The following FOXN4 variants were observed in gnomAD, a reference collection of about 807,000 sequenced individuals.
The protein encoded by FOXN4 is forkhead box protein N4.
Under a neutral mutation model 45.0 loss-of-function variants are expected in FOXN4, and 12 were observed. That is an observed-to-expected ratio of 0.27 (90% CI 0.17 to 0.43). FOXN4 has a LOEUF of 0.43. Among genes scored for constraint, FOXN4 ranks in the 20% least tolerant of loss-of-function variants. The probability of loss-of-function intolerance (pLI) is 1.00; values close to 1 mark genes in which losing one functional copy is unlikely to be tolerated. For synonymous variants in FOXN4, 297 were observed against 295.0 expected, an observed-to-expected ratio of 1.01 and a Z score of -0.07; for missense variants, 560 against 694.9, an observed-to-expected ratio of 0.81 and a Z score of 2.18.
intron 2 of FOXN4, among the ~76,000 whole-genome samples, chr12:109,299,888 C>T (rs972363694): frequency 6.6e-6 from 1 of 152,230 alleles, no homozygotes; most frequent in Non-Finnish European, 1.5e-5. Flanking sequence ...AGCCCCGGGT[C>T]CCCCTTTGCT....
intron 2 of FOXN4, among the ~76,000 whole-genome samples, chr12:109,292,755 C>A (rs920661000): frequency 6.6e-6 from 1 of 152,158 alleles, no homozygotes; most frequent in Non-Finnish European, 1.5e-5. Context: ...ACTAAACACG[C>A]CCATGTAATG....
intron 7 of FOXN4, 77 bp downstream of exon 7, chr12:109,286,571 G>A: frequency 6.8e-7 from 1 of 1,469,784 alleles, no homozygotes. Context: ...GGTTGGCCCA[G>A]GGCCAGCCCT....
chr12:109,302,025 G>C (rs2047873129), intron 2 of FOXN4, among the ~76,000 whole-genome samples: 1 of 152,114 alleles, frequency 6.6e-6, no homozygotes, highest in Non-Finnish European at 1.5e-5. Context: ...GGTTAGTGCT[G>C]TCAGTATCTA....
rs536691320 is a variant in FOXN4 at position 109,290,825 on chromosome 12, C to T, written c.87-539G>A. Among the ~76,000 whole-genome samples, 8 of 152,302 alleles carry T rather than the reference C, an allele frequency of 5.3e-5. No homozygotes were observed. In the East Asian group the frequency reaches 5.8e-4, roughly 11 times the overall value. On this transcript the variant is annotated intron_variant, in intron 2 of 9. Coordinates refer to ENST00000299162, the MANE Select transcript of FOXN4 (RefSeq NM_213596.3). This position sits in a 1 kb window ranked among gnomAD's most constrained non-coding sequence, Gnocchi z 5.1. ...GAACATGGAACTTGGGAACGGTCTG[C>T]GTGGATGATCCTGCCATGTGCTGAG...
At chr12:109,285,192 T>C in intron 8 of FOXN4, 112 bp downstream of exon 8, 1 of 1,334,042 alleles carries the variant, frequency 7.5e-7, no homozygotes, top group Non-Finnish European at 1.0e-6. Flanking sequence ...ATGCATCGGC[T>C]TCACCAGGGT....
intron 2 of FOXN4, among the ~76,000 whole-genome samples, chr12:109,295,466 G>A (rs1277317713): frequency 3.9e-5 from 6 of 152,124 alleles, no homozygotes; most frequent in Non-Finnish European, 2.9e-5. Context: ...ACCTCCAGAG[G>A]AGGCTTTGAG....
chr12:109,281,334 C>G (rs1275610846), intron 9 of FOXN4, 73 bp downstream of exon 9: 1 of 1,559,902 alleles, frequency 6.4e-7, no homozygotes, highest in Non-Finnish European at 8.8e-7. Flanking sequence ...ACAGTCCTCT[C>G]CCTCACTCCC....
Position 109,290,371 on chromosome 12 carries a change from C to CT in FOXN4, c.87-86dup. ...GCGTCCCGACCTCTGGAAGCACCCG[C>CT]TTAATGTGCCTCATCTCCCCAAGCC... On this transcript the variant is annotated intron_variant, in intron 2 of 9. Transcript: ENST00000299162. This position sits in a 1 kb window ranked among gnomAD's most constrained non-coding sequence, Gnocchi z 5.1. 1 of 1,426,326 alleles carries CT rather than the reference C, an allele frequency of 7.0e-7. No homozygotes were observed. The highest frequency in any genetic ancestry group is 1.4e-5 in the African/African-American group (1 of 69,188). 88.4% of individuals were successfully genotyped at this position (1,426,326 alleles called of 1,614,324 possible). A position where few individuals can be genotyped will look rare whatever the true frequency, so the allele number is the denominator to read the frequency against.
In FOXN4 at chr12:109,278,652, C is replaced by T. The variant is rs537772995; in HGVS notation, c.*1019G>A. On this transcript the variant is annotated 3_prime_UTR_variant, in exon 10 of 10. Coordinates refer to ENST00000299162, the MANE Select transcript of FOXN4 (RefSeq NM_213596.3). ...TCTTAAATCCCAGTACAAAAGCACC[C>T]CCCTCCAGTTCCTCCCTCTCCCATC... is the stretch of plus-strand genomic sequence containing the variant. 1 of 152,226 alleles carries T rather than the reference C, an allele frequency of 6.6e-6. No homozygotes were observed. Among genetic ancestry groups the T allele is most frequent in the Admixed American group, 6.5e-5 (1 of 15,276 alleles). The allele number at this position is 152,226 out of a possible 1,614,324, so 9.4% of individuals were successfully genotyped here.
At position 109,287,987 on chromosome 12, in the gene FOXN4, C is replaced by G; in HGVS notation, c.358-33G>C. 6.5e-7 allele frequency: 1 copy of G among 1,549,620 alleles called. No individual in the cohort carries two copies. On this transcript the variant is annotated intron_variant, in intron 4 of 9. Transcript: ENST00000299162. This position sits in a 1 kb window ranked among gnomAD's most constrained non-coding sequence, Gnocchi z 4.1. ...GCAGGAAGAGGAGGAGACAGAGGGT[C>G]ACGGTGGGGGTAGACACCCAGTCTG... is the stretch of plus-strand genomic sequence containing the variant.
chr12:109,285,584 GC>G, intron 7 of FOXN4, 73 bp from the exon 8 acceptor site: 1 of 1,520,038 alleles, frequency 6.6e-7, no homozygotes, highest in African/African-American at 1.4e-5. Context: ...TCCTACTCAG[GC>G]CTATAGGGGC....
chr12:109,306,392 C>T (rs2047922231), intron 2 of FOXN4, among the ~76,000 whole-genome samples: 1 of 152,196 alleles, frequency 6.6e-6, no homozygotes, highest in South Asian at 2.1e-4. Flanking sequence ...CAATTGTTCT[C>T]ACTCTCTGAC....
In FOXN4 at chr12:109,279,582, G is replaced by T; in HGVS notation, c.*89C>A. On this transcript the variant is annotated 3_prime_UTR_variant, in exon 10 of 10. Coordinates refer to ENST00000299162, the MANE Select transcript of FOXN4 (RefSeq NM_213596.3). The stretch of plus-strand genomic sequence containing the variant: ...GTCCAGGAGAGGCTTCGGGGACAAT[G>T]AGGGACCTGCCTTCTGGGAACACCC... 4 of 1,518,998 alleles carry T rather than the reference G, an allele frequency of 2.6e-6. No individual in the cohort carries two copies. In the South Asian group the frequency reaches 3.7e-5, roughly 14 times the overall value. 94.1% of individuals were successfully genotyped at this position (1,518,998 alleles called of 1,614,324 possible). A position where few individuals can be genotyped will look rare whatever the true frequency, so the allele number is the denominator to read the frequency against.
chr12:109,292,564 TTGTA>T (rs2047779023), intron 2 of FOXN4, among the ~76,000 whole-genome samples: 1 of 152,196 alleles, frequency 6.6e-6, no homozygotes, highest in South Asian at 2.1e-4. Flanking sequence ...AAATATGTAA[TTGTA>T]TGTAAAGCAC....
At chr12:109,304,581 C>A (rs1025548087) in intron 2 of FOXN4, among the ~76,000 whole-genome samples, 1 of 152,186 alleles carries the variant, frequency 6.6e-6, no homozygotes, top group Non-Finnish European at 1.5e-5. Context: ...TGCCAATTTG[C>A]TGTCTAGGCC....
At chr12:109,281,344 C>G in intron 9 of FOXN4, 63 bp downstream of exon 9, 3 of 1,586,410 alleles carry the variant, frequency 1.9e-6, no homozygotes, top group Non-Finnish European at 2.6e-6. Flanking sequence ...CCCTCACTCC[C>G]TTTGGCCCCC....
chr12:109,296,889 C>T (rs926947373), intron 2 of FOXN4, among the ~76,000 whole-genome samples: 1 of 152,236 alleles, frequency 6.6e-6, no homozygotes, highest in East Asian at 1.9e-4. Context: ...TGCGCCCAGC[C>T]CTGAGCTAAA....
rs1200026818 is a variant in FOXN4 at position 109,286,786 on chromosome 12, G to A, written c.597-42C>T. On this transcript the variant is annotated intron_variant, in intron 6 of 9. Transcript: ENST00000299162. The stretch of plus-strand genomic sequence containing the variant: ...GGGCAGGGCAGGGCAGGGCAGGACA[G>A]GGCAGGCCAGGCATGAAAGGGTCTC... 3 of 1,573,018 alleles carry A rather than the reference G, an allele frequency of 1.9e-6. 1 individual carries two copies. Among genetic ancestry groups the A allele is most frequent in the South Asian group, 2.3e-5 (2 of 86,612 alleles).
chr12:109,281,390 C>T lies in FOXN4; in HGVS notation c.1294+17G>A. On this transcript the variant is annotated intron_variant, in intron 9 of 9. Coordinates refer to ENST00000299162, the MANE Select transcript of FOXN4 (RefSeq NM_213596.3). ...CCTCCCCATTCCATTCCCATCACTC[C>T]ATTCCTCCAGCCTCACCCTGCAGAG... The T allele has an allele frequency of 3.1e-6, 5 of 1,612,560 alleles. No individual in the cohort carries two copies. The highest frequency in any genetic ancestry group is 4.2e-6 in the Non-Finnish European group (5 of 1,179,072).
Sources: gnomAD v4.1 joint callset for allele counts (sites outside exome capture counted in the v4.1 genomes callset) on GRCh38, gnomAD v4.1.1 for gene constraint, Gnocchi (gnomAD v3.1) non-coding constraint, MANE v1.5 for transcripts, NCBI Gene and HGNC (gene_info 2026-07-23, HGNC 2026-07-21) for gene names.